SNX10: variants seen among roughly 807,000 people sequenced by gnomAD.
SNX10 encodes sorting nexin-10.
In SNX10, 25 loss-of-function variants were observed where a neutral mutation model predicts 28.5. That is an observed-to-expected ratio of 0.88 (90% CI 0.64 to 1.22). The LOEUF (loss-of-function observed/expected upper bound fraction) is 1.22. Among genes scored for constraint, SNX10 ranks in the 50% most tolerant of loss-of-function variants. The pLI is 0.00. For missense variants in SNX10, 223 were observed against 242.6 expected, an observed-to-expected ratio of 0.92 and a Z score of 0.54; for synonymous variants, 62 against 81.4, an observed-to-expected ratio of 0.76 and a Z score of 1.28.
Position 26,364,488 on chromosome 7 carries a change from C to A in SNX10, c.112-47C>A. On this transcript the variant is annotated intron_variant, in intron 3 of 6. Coordinates refer to ENST00000338523, the MANE Select transcript of SNX10 (RefSeq NM_013322.3). The surrounding 1 kb of genome is among the most constrained non-coding windows in gnomAD (Gnocchi z 4.9). ...TTGTGAATTATAGATACAAGAAATG[C>A]ATTTTTTTCCTCAGGTAAGACTCAT... The A allele has an allele frequency of 6.4e-7, 1 of 1,556,232 alleles. No individual in the cohort carries two copies. The highest frequency in any genetic ancestry group is 1.2e-5 in the South Asian group (1 of 82,878).
At chr7:26,354,435 C>T (rs374881123) in intron 2 of SNX10, among the ~76,000 whole-genome samples, 67 of 152,244 alleles carry the variant, frequency 4.4e-4, no homozygotes, top group African/African-American at 1.6e-3. Context: ...AACCTCCCAC[C>T]CACCCACCAG....
At chr7:26,296,619 T>C (rs1053159058) in intron 1 of SNX10, among the ~76,000 whole-genome samples, 6 of 152,184 alleles carry the variant, frequency 3.9e-5, no homozygotes, top group African/African-American at 1.4e-4. Context: ...TTTTACAAAC[T>C]GATAATAATA....
Position 26,364,982 on chromosome 7 carries a change from G to A in SNX10, c.213-65G>A, listed in dbSNP as rs537587003. 1.0e-6 allele frequency: 1 copy of A among 969,512 alleles called. No individual in the cohort carries two copies. Among genetic ancestry groups the A allele is most frequent in the South Asian group, 1.3e-5 (1 of 74,468 alleles). 60.1% of individuals were successfully genotyped at this position (969,512 alleles called of 1,614,324 possible). A position where few individuals can be genotyped will look rare whatever the true frequency, so the allele number is the denominator to read the frequency against. On this transcript the variant is annotated intron_variant, in intron 4 of 6. Transcript: ENST00000338523. The surrounding 1 kb of genome is among the most constrained non-coding windows in gnomAD (Gnocchi z 4.9). ...ATACATAATTTGCCTTCACTTTGAG[G>A]GATTTCTGTAACAGAAGCACCTTGA... is the stretch of plus-strand genomic sequence containing the variant.
intron 2 of SNX10, among the ~76,000 whole-genome samples, chr7:26,353,526 A>G (rs1482968889): frequency 7.4e-6 from 1 of 136,018 alleles, no homozygotes; most frequent in Non-Finnish European, 1.5e-5. Context: ...TCAGTTGCTC[A>G]CTGCAACCTC....
intron 3 of SNX10, among the ~76,000 whole-genome samples, chr7:26,363,393 C>T (rs563448385): frequency 5.3e-5 from 8 of 152,172 alleles, no homozygotes; most frequent in South Asian, 2.1e-4. Flanking sequence ...GGAAAACAAT[C>T]GCTGGGCATA....
At chr7:26,350,929 G>T (rs967222137) in intron 2 of SNX10, among the ~76,000 whole-genome samples, 12 of 151,872 alleles carry the variant, frequency 7.9e-5, no homozygotes, top group African/African-American at 2.9e-4. Context: ...TTGTCCCAGA[G>T]AAAGATCTTC....
At chr7:26,297,726 A>G (rs889684570) in intron 1 of SNX10, among the ~76,000 whole-genome samples, 1 of 152,158 alleles carries the variant, frequency 6.6e-6, no homozygotes, top group African/African-American at 2.4e-5. Context: ...AGTTATAAGT[A>G]ATATTTTTAG....
intron 2 of SNX10, among the ~76,000 whole-genome samples, chr7:26,346,938 C>T (rs3757665): frequency 0.37 from 56,786 of 152,130 alleles, 11,052 homozygotes; most frequent in South Asian, 0.57. Flanking sequence ...CCTCCATGCC[C>T]GCCCCCTGAG....
intron 1 of SNX10, among the ~76,000 whole-genome samples, chr7:26,292,591 A>T (rs1785969338): frequency 6.6e-6 from 1 of 152,120 alleles, no homozygotes; most frequent in South Asian, 2.1e-4. Context: ...TAATTGACTG[A>T]TTATCAGATT....
intron 1 of SNX10, among the ~76,000 whole-genome samples, chr7:26,332,259 T>G (rs978717304): frequency 1.7e-4 from 26 of 152,226 alleles, no homozygotes; most frequent in African/African-American, 6.3e-4. Context: ...ATTATTTGAC[T>G]TTTTAATTCT....
intron 1 of SNX10, among the ~76,000 whole-genome samples, chr7:26,300,072 A>G (rs533906596): frequency 1.3e-4 from 19 of 152,000 alleles, no homozygotes; most frequent in African/African-American, 4.3e-4. Flanking sequence ...TTAGCTGGGC[A>G]TGGTGGTGCA....
chr7:26,327,625 A>G (rs150494038), intron 1 of SNX10, among the ~76,000 whole-genome samples: 10 of 151,402 alleles, frequency 6.6e-5, no homozygotes, highest in African/African-American at 2.2e-4. Context: ...ATTAGGCTGA[A>G]TATGTTTTAA....
At chr7:26,361,098 G>A in intron 3 of SNX10, 37 bp downstream of exon 3, 1 of 1,544,732 alleles carries the variant, frequency 6.5e-7, no homozygotes, top group Non-Finnish European at 8.7e-7. Flanking sequence ...AATTTTGAGG[G>A]ACTTTTATGG....
At chr7:26,309,202 C>T (rs539213588) in intron 1 of SNX10, among the ~76,000 whole-genome samples, 1 of 152,078 alleles carries the variant, frequency 6.6e-6, no homozygotes, top group Non-Finnish European at 1.5e-5. Context: ...CCTAGTCAAG[C>T]CTTGCCTTCT....
intron 1 of SNX10, among the ~76,000 whole-genome samples, chr7:26,300,889 A>T (rs1786308844): frequency 1.3e-5 from 2 of 151,632 alleles, no homozygotes; most frequent in African/African-American, 4.8e-5. Context: ...TGTGGTGGCG[A>T]GCACCTGTAG....
At chr7:26,332,123 A>T (rs1026689693) in intron 1 of SNX10, among the ~76,000 whole-genome samples, 1 of 152,216 alleles carries the variant, frequency 6.6e-6, no homozygotes, top group Non-Finnish European at 1.5e-5. Flanking sequence ...TGCCAAGTCA[A>T]ATGGTGACTG....
rs1284099903 is a variant in SNX10, at chr7:26,340,396, C to G, written c.-23-6024C>G. 1.4e-4 allele frequency among the ~76,000 whole-genome samples: 21 copies of G among 152,314 alleles called. No individual in the cohort carries two copies. In the South Asian group the frequency reaches 3.3e-3, roughly 24 times the overall value. On this transcript the variant is annotated intron_variant, in intron 1 of 6. Coordinates refer to ENST00000338523, the MANE Select transcript of SNX10 (RefSeq NM_013322.3). ...GACTTGAGTAGGAGATGCAGAGACC[C>G]TGTGGCCTACAAAACCTCAAATATT...
In SNX10 at chr7:26,291,978, G is replaced by T; in HGVS notation, c.-132G>T. 1 of 143,736 alleles carries T rather than the reference G, an allele frequency of 7.0e-6. No homozygotes were observed. The highest frequency in any genetic ancestry group is 2.2e-4 in the South Asian group (1 of 4,646). 8.9% of individuals were successfully genotyped at this position (143,736 alleles called of 1,614,324 possible). Reference sequence around the variant, plus strand: ...CGGGGCTGCGCTCGTGTGCGCTCCTGGGCGCTCGCCGCCGCCGCTGCCGCC... The same window carrying T: ...CGGGGCTGCGCTCGTGTGCGCTCCTTGGCGCTCGCCGCCGCCGCTGCCGCC... On this transcript the variant is annotated 5_prime_UTR_variant, in exon 1 of 7. Transcript: ENST00000338523.
At chr7:26,297,556 C>A (rs1224360840) in intron 1 of SNX10, among the ~76,000 whole-genome samples, 1 of 152,160 alleles carries the variant, frequency 6.6e-6, no homozygotes, top group Non-Finnish European at 1.5e-5. Context: ...TTCCCATCTT[C>A]ACAGCTCAGG....
Sources: allele counts gnomAD v4.1 joint callset (sites outside exome capture counted in the v4.1 genomes callset), GRCh38; gene constraint gnomAD v4.1.1; non-coding constraint Gnocchi (gnomAD v3.1); transcripts MANE v1.5; gene names NCBI Gene and HGNC (gene_info 2026-07-23, HGNC 2026-07-21).